RGS12: variants seen among roughly 807,000 people sequenced by gnomAD.
The protein encoded by RGS12 is regulator of G-protein signaling 12.
A neutral mutation model predicts 120.1 loss-of-function variants in RGS12; 66 were observed. The observed-to-expected ratio is 0.55, with a 90% confidence interval of 0.45 to 0.67. RGS12 has a LOEUF of 0.67. Ranked by LOEUF, RGS12 falls within the 30% of genes least tolerant of loss-of-function variation. The probability of loss-of-function intolerance (pLI) is 0.00; values close to 1 mark genes in which losing one functional copy is unlikely to be tolerated. For synonymous variants in RGS12, 827 were observed against 804.7 expected, an observed-to-expected ratio of 1.03 and a Z score of -0.47; for missense variants, 1,859 against 1,957.7, an observed-to-expected ratio of 0.95 and a Z score of 0.95.
chr4:3,306,904 G>T, intron 1 of RGS12, among the ~76,000 whole-genome samples: 1 of 152,238 alleles, frequency 6.6e-6, no homozygotes. Flanking sequence ...TGGGGTCAGG[G>T]AGTGACGGTG....
intron 4 of RGS12, among the ~76,000 whole-genome samples, chr4:3,411,035 C>T (rs1398724650): frequency 6.6e-6 from 1 of 152,218 alleles, no homozygotes; most frequent in African/African-American, 2.4e-5. Context: ...TGGCTCTGGG[C>T]TTCGTGTCTT....
chr4:3,313,058 A>G (rs1724509064), intron 1 of RGS12: 1 of 152,276 alleles, frequency 6.6e-6, no homozygotes, highest in South Asian at 2.1e-4. Flanking sequence ...TCTCTAAAAA[A>G]TAAAAACAAA....
chr4:3,368,386 C>T (rs1716565321), intron 3 of RGS12, among the ~76,000 whole-genome samples: 1 of 121,332 alleles, frequency 8.2e-6, no homozygotes, highest in African/African-American at 3.2e-5. Flanking sequence ...TGTGTGGGTG[C>T]CTGTGTGTGT....
At chr4:3,307,721 G>A (rs1724051932) in intron 1 of RGS12, among the ~76,000 whole-genome samples, 1 of 152,200 alleles carries the variant, frequency 6.6e-6, no homozygotes, top group African/African-American at 2.4e-5. Context: ...CATGGAGAGA[G>A]CGCTCCCCAC....
chr4:3,303,164 T>G (rs2110361626), intron 1 of RGS12, among the ~76,000 whole-genome samples: 1 of 152,152 alleles, frequency 6.6e-6, no homozygotes, highest in Middle Eastern at 3.4e-3. Flanking sequence ...CTGGACCCAG[T>G]GGGACAGGTG....
chr4:3,410,758 G>A (rs1018154858), intron 4 of RGS12, among the ~76,000 whole-genome samples: 6 of 152,216 alleles, frequency 3.9e-5, no homozygotes, highest in East Asian at 1.9e-4. Context: ...CATGGCTGGC[G>A]TTCTGTGATG....
intron 17 of RGS12, chr4:3,431,422 C>A (rs977031985): frequency 2.0e-6 from 2 of 998,110 alleles, no homozygotes. Flanking sequence ...GACACAGGCC[C>A]GTCCTCGGAA....
At chr4:3,345,035 C>T (rs1713664563) in intron 3 of RGS12, among the ~76,000 whole-genome samples, 1 of 152,150 alleles carries the variant, frequency 6.6e-6, no homozygotes, top group Non-Finnish European at 1.5e-5. Context: ...ATAGGCATTG[C>T]AATGAGAATA....
chr4:3,413,110 C>T (rs1236761152), intron 4 of RGS12: 3 of 60,240 alleles, frequency 5.0e-5, no homozygotes, highest in Admixed American at 1.7e-4. Flanking sequence ...CCACACTGCT[C>T]GCGTCAGGAG....
intron 2 of RGS12, 144 bp downstream of exon 2, chr4:3,318,195 G>C (rs2110411328): frequency 1.4e-6 from 1 of 726,174 alleles, no homozygotes; most frequent in Non-Finnish European, 2.3e-6. Flanking sequence ...CAGGGTGTCT[G>C]CGTTGCCTGT....
At chr4:3,379,005 A>ATGTGTGTGTGTGTG (rs3138719) in intron 3 of RGS12, among the ~76,000 whole-genome samples, 2 of 146,452 alleles carry the variant, frequency 1.4e-5, no homozygotes, top group African/African-American at 5.1e-5. Context: ...GAAATGTGCG[A>ATGTGTGTGTGTGTG]TGTGTGTGTG....
chr4:3,333,347 C>A (rs1202266691), intron 2 of RGS12, among the ~76,000 whole-genome samples: 2 of 152,172 alleles, frequency 1.3e-5, no homozygotes, highest in Admixed American at 6.5e-5. Context: ...CCGTGCCCGG[C>A]CTGGTCTCAA....
chr4:3,331,490 T>C (rs533398947), intron 2 of RGS12, among the ~76,000 whole-genome samples: 1 of 152,164 alleles, frequency 6.6e-6, no homozygotes, highest in Non-Finnish European at 1.5e-5. Context: ...GGAAACAAAC[T>C]GTACTTACAT....
chr4:3,362,469 TGA>T (rs1361060847), intron 3 of RGS12, among the ~76,000 whole-genome samples: 1 of 130,402 alleles, frequency 7.7e-6, no homozygotes, highest in Non-Finnish European at 1.7e-5. Context: ...AGGGTGTGTG[TGA>T]GGGTGTGTGT....
intron 4 of RGS12, among the ~76,000 whole-genome samples, chr4:3,387,422 A>G (rs1170732045): frequency 1.3e-5 from 2 of 152,194 alleles, no homozygotes; most frequent in Non-Finnish European, 2.9e-5. Context: ...GCCACTCTGT[A>G]GGAAGGCCAG....
rs779301866 is a variant in RGS12, at chr4:3,316,401, T to C, written c.231T>C (p.His77=). The C allele has an allele frequency of 1.8e-5, 29 of 1,614,054 alleles. No homozygotes were observed. Among genetic ancestry groups the C allele is most frequent in the Non-Finnish European group, 2.4e-5 (28 of 1,180,004 alleles). ...AAATCAACGTGAAAAAAGCATCTCA[T>C]GAAGATGTAGTGAAATTAATTGGGA... ...VNEINVKKAS[H]EDVVKLIGKC... The change falls in exon 2 of 18, where the codon CAT becomes CAC. Residue 77 remains histidine, a synonymous_variant. Transcript: ENST00000336727.
chr4:3,329,031 C>T (rs1711536940), intron 2 of RGS12, among the ~76,000 whole-genome samples: 2 of 152,150 alleles, frequency 1.3e-5, no homozygotes, highest in South Asian at 2.1e-4. Flanking sequence ...CCAAGAGGCT[C>T]AGCTGTTGGA....
chr4:3,373,372 G>A (rs2108902109), intron 3 of RGS12, among the ~76,000 whole-genome samples: 1 of 152,330 alleles, frequency 6.6e-6, no homozygotes, highest in Admixed American at 6.5e-5. Flanking sequence ...ATGGCTGATG[G>A]CCGCCGCAGG....
intron 12 of RGS12, 137 bp from the exon 13 acceptor site, chr4:3,423,378 G>A: frequency 8.4e-7 from 1 of 1,193,516 alleles, no homozygotes; most frequent in East Asian, 2.4e-5. Context: ...GGCACGTTCT[G>A]ATCAGCTGGG....
Sources: allele counts gnomAD v4.1 joint callset (sites outside exome capture counted in the v4.1 genomes callset), GRCh38; gene constraint gnomAD v4.1.1; transcripts MANE v1.5; gene names NCBI Gene and HGNC (gene_info 2026-07-23, HGNC 2026-07-21).